The following ZNF749 variants were observed in gnomAD, a reference collection of about 807,000 sequenced individuals.
ZNF749 encodes zinc finger protein 749.
ZNF749 carries 8 observed loss-of-function variants against 7.3 expected under a neutral mutation model. The observed-to-expected ratio is 1.10, with a 90% confidence interval of 0.64 to 1.98. The LOEUF (loss-of-function observed/expected upper bound fraction) is 1.98, where lower values mean the gene tolerates loss of function less well. ZNF749 is among the 30% of genes most tolerant of loss of function. ZNF749 has a pLI of 0.00. For missense variants in ZNF749, 898 were observed against 932.4 expected (o/e 0.96, Z 0.48); for synonymous variants, 310 against 322.4 (o/e 0.96, Z 0.41).
rs746228215 is a variant in ZNF749, at chr19:57,444,050, C to T, written c.902C>T (p.Thr301Ile). 2 of 1,613,930 alleles carry T rather than the reference C, an allele frequency of 1.2e-6. No individual in the cohort carries two copies. Among genetic ancestry groups the T allele is most frequent in the African/African-American group, 1.3e-5 (1 of 75,022 alleles). ...AGTAGACCAACACCTTATGAATGCACCCAGTGTGGGAAGGCCTTTCTTACA... is the reference window on the plus strand; with the variant it reads ...AGTAGACCAACACCTTATGAATGCATCCAGTGTGGGAAGGCCTTTCTTACA... ...ILSRPTPYEC[T>I]QCGKAFLTQA... Residue 301 changes from threonine (T) to isoleucine (I), a missense_variant, in exon 3 of 3, where the codon ACC (threonine) becomes ATC (isoleucine). Physicochemically the swap from Thr to Ile is moderately conservative, Grantham distance 89. Transcript: ENST00000334181.
upstream of ZNF749, among the ~76,000 whole-genome samples, chr19:57,432,593 G>A (rs887021816): frequency 2.1e-4 from 31 of 144,868 alleles, no homozygotes; most frequent in African/African-American, 7.8e-4. Context: ...AAGGTGGGGG[G>A]GACTAAACAG....
chr19:57,435,306 T>C, upstream of ZNF749: 1 of 588,412 alleles, frequency 1.7e-6, no homozygotes, highest in South Asian at 2.0e-5. Context: ...ACTAATGAGG[T>C]CTCAATTGTG....
chr19:57,431,192 A>G (rs1426972223), upstream of ZNF749, among the ~76,000 whole-genome samples: 1 of 152,220 alleles, frequency 6.6e-6, no homozygotes, highest in Non-Finnish European at 1.5e-5. Context: ...TTTTACTGAA[A>G]CAATTTTTTA....
upstream of ZNF749, among the ~76,000 whole-genome samples, chr19:57,433,111 A>AGTGTGT (rs71186260): frequency 0.024 from 3,407 of 143,462 alleles, 58 homozygotes; most frequent in East Asian, 0.068. Flanking sequence ...AGTCTTGAGG[A>AGTGTGT]GTGTGTGTGT....
chr19:57,437,952 CAG>C, intron 1 of ZNF749: 1 of 395,858 alleles, frequency 2.5e-6, no homozygotes, highest in Non-Finnish European at 4.5e-6. Flanking sequence ...TCCAAAGACA[CAG>C]AGCTGCTAAG....
rs990714968 is a variant in ZNF749, at chr19:57,436,088, C to T, written c.15+495C>T. 1.8e-4 allele frequency among the ~76,000 whole-genome samples: 27 copies of T among 152,138 alleles called. No individual in the cohort carries two copies. Among genetic ancestry groups the T allele is most frequent in the African/African-American group, 5.8e-4 (24 of 41,420 alleles). On this transcript the variant is annotated intron_variant, in intron 1 of 2. Coordinates refer to ENST00000334181, the MANE Select transcript of ZNF749 (RefSeq NM_001023561.4). The surrounding 1 kb of genome is among the most constrained non-coding windows in gnomAD (Gnocchi z 4.0). ...TCTGGATGGATCTCAGAGATAGGGT[C>T]AACAGGATTTCCTGCTGCATCAAAC...
chr19:57,445,313 G>A lies in ZNF749; in HGVS notation c.2165G>A (p.Ser722Asn). Residue 722 changes from serine (S) to asparagine (N), a missense_variant, in exon 3 of 3, where the codon AGT (serine) becomes AAT (asparagine). Ser to Asn is a conservative substitution (Grantham distance 46). Coordinates refer to ENST00000334181, the MANE Select transcript of ZNF749 (RefSeq NM_001023561.4). ...CATCAGCAGTCTCACACTGGAGAAA[G>A]TCCTTTTAAGTTAAGGGAATGTGGG... is the stretch of plus-strand genomic sequence containing the variant. ...IIHQQSHTGE[S>N]PFKLRECGKD... 1.9e-6 allele frequency: 3 copies of A among 1,613,900 alleles called. No homozygotes were observed. The highest frequency in any genetic ancestry group is 1.3e-5 in the African/African-American group (1 of 75,032).
rs373117467 is a variant in ZNF749 at position 57,444,693 on chromosome 19, A to C, written c.1545A>C (p.Gln515His). 11 of 1,613,418 alleles carry C rather than the reference A, an allele frequency of 6.8e-6. No individual in the cohort carries two copies. The highest frequency in any genetic ancestry group is 9.3e-6 in the Non-Finnish European group (11 of 1,179,860). Residue 515 changes from glutamine to histidine, a missense_variant, in exon 3 of 3, where the codon CAA becomes CAC. Gln to His is a conservative substitution (Grantham distance 24). Transcript: ENST00000334181. ...GAGAACGGCCTTATGAATGCACTCA[A>C]TGTGCGAAGGCCTTTGTTAGAAAGT... is the stretch of plus-strand genomic sequence containing the variant. ...HTGERPYECT[Q>H]CAKAFVRKSH...
rs1224294806 is a variant in ZNF749 at position 57,436,427 on chromosome 19, G to A, written c.15+834G>A. On this transcript the variant is annotated intron_variant, in intron 1 of 2. Coordinates refer to ENST00000334181, the MANE Select transcript of ZNF749 (RefSeq NM_001023561.4). The surrounding 1 kb of genome is among the most constrained non-coding windows in gnomAD (Gnocchi z 4.0). ...CTGAGGTAGGGGAGGGCTCAGATTT[G>A]GAGGAAAGACCATGGTAGGGAGGGC... Among the ~76,000 whole-genome samples, 1 of 152,134 alleles carries A rather than the reference G, an allele frequency of 6.6e-6. No homozygotes were observed. The highest frequency in any genetic ancestry group is 1.9e-4 in the East Asian group (1 of 5,184).
chr19:57,435,395 C>A lies in ZNF749; in HGVS notation c.-184C>A. 1 of 854,424 alleles carries A rather than the reference C, an allele frequency of 1.2e-6. No homozygotes were observed. The highest frequency in any genetic ancestry group is 1.8e-6 in the Non-Finnish European group (1 of 544,530). 52.9% of individuals were successfully genotyped at this position (854,424 alleles called of 1,614,324 possible). On this transcript the variant is annotated 5_prime_UTR_variant, in exon 1 of 3. Transcript: ENST00000334181. ...GATCTGTTCACTGATTTAGAGGGTC[C>A]CAGAGCTCTGGGTCGGGACTGAGGT...
chr19:57,437,490 C>G (rs1221594244), intron 1 of ZNF749, among the ~76,000 whole-genome samples: 1 of 151,922 alleles, frequency 6.6e-6, no homozygotes, highest in Non-Finnish European at 1.5e-5. Context: ...CTTTGGGAAG[C>G]GAAGGTGGGC....
chr19:57,441,323 G>C (rs1461535484), intron 1 of ZNF749, among the ~76,000 whole-genome samples: 1 of 152,002 alleles, frequency 6.6e-6, no homozygotes, highest in Non-Finnish European at 1.5e-5. Context: ...GATGTGTGTG[G>C]GTACTGGGGA....
At position 57,445,192 on chromosome 19, in the gene ZNF749, ACATT is replaced by A; in HGVS notation, c.2049_2052del (p.Phe683LeufsTer43). ...TGGGAAGTTTCTTAGATACCGCTCT[ACATT>A]CATTAAACATCATAAAGTTTGCACT... On this transcript the variant is annotated frameshift_variant, in exon 3 of 3. Coordinates refer to ENST00000334181, the MANE Select transcript of ZNF749 (RefSeq NM_001023561.4). LOFTEE classifies it low-confidence loss of function (END_TRUNC). The A allele has an allele frequency of 1.9e-6, 3 of 1,614,170 alleles. No homozygotes were observed. The highest frequency in any genetic ancestry group is 2.5e-6 in the Non-Finnish European group (3 of 1,179,994).
chr19:57,432,279 TAA>T (rs376998074), upstream of ZNF749, among the ~76,000 whole-genome samples: 3 of 140,910 alleles, frequency 2.1e-5, no homozygotes, highest in African/African-American at 2.6e-5. Flanking sequence ...GGGAGCCAAT[TAA>T]AAAAAAAAAG....
In ZNF749 at chr19:57,435,621, C is replaced by T. The variant is rs1021870471; in HGVS notation, c.15+28C>T. On this transcript the variant is annotated intron_variant, in intron 1 of 2. Transcript: ENST00000334181. ...GCGTGCAGCGTCCCAGGCCGCCCCGCCCAACCCCTCCTCCCAGTGCTGAAG... is the reference window on the plus strand; with the variant it reads ...GCGTGCAGCGTCCCAGGCCGCCCCGTCCAACCCCTCCTCCCAGTGCTGAAG... The T allele has an allele frequency of 1.0e-5, 16 of 1,598,312 alleles. No homozygotes were observed. The African/African-American group carries it at 1.9e-4, about 19-fold the overall frequency.
chr19:57,446,895 T>C lies in ZNF749; in HGVS notation c.*1410T>C, dbSNP rs1331714760. On this transcript the variant is annotated 3_prime_UTR_variant, in exon 3 of 3. Coordinates refer to ENST00000334181, the MANE Select transcript of ZNF749 (RefSeq NM_001023561.4). ...AAGTTTCCAAAAGGTACTGTAAAAA[T>C]GTATGAAAAATGGTAAAAACTTTAT... Among the ~76,000 whole-genome samples the C allele has an allele frequency of 6.6e-6, 1 of 152,132 alleles. No homozygotes were observed. Among genetic ancestry groups the C allele is most frequent in the Non-Finnish European group, 1.5e-5 (1 of 68,026 alleles).
rs373436652 is a variant in ZNF749 at position 57,443,676 on chromosome 19, G to A, written c.528G>A (p.Gly176=). The change falls in exon 3 of 3, where the codon GGG becomes GGA. Residue 176 remains glycine (G), a synonymous_variant. Coordinates refer to ENST00000334181, the MANE Select transcript of ZNF749 (RefSeq NM_001023561.4). ...TCCAGCAACAGGTCTTAAACAGTGG[G>A]TGGAAGCTGTACAGGGATACCCAGG... is the stretch of plus-strand genomic sequence containing the variant. ...DLLQQQVLNS[G]WKLYRDTQDG... 87 of 1,614,034 alleles carry A rather than the reference G, an allele frequency of 5.4e-5. 1 individual carries two copies. Among genetic ancestry groups the A allele is most frequent in the Admixed American group, 1.5e-4 (9 of 60,004 alleles).
intron 1 of ZNF749, chr19:57,438,396 G>A: frequency 3.7e-6 from 1 of 270,936 alleles, no homozygotes. Context: ...AAGCTCAGGG[G>A]CTGCCTTTGC....
upstream of ZNF749, among the ~76,000 whole-genome samples, chr19:57,433,446 T>C (rs890922780): frequency 8.5e-5 from 13 of 152,310 alleles, no homozygotes; most frequent in African/African-American, 3.1e-4. Flanking sequence ...GTGTAGCCGT[T>C]GTCCATTTGT....
Sources: allele counts gnomAD v4.1 joint callset (sites outside exome capture counted in the v4.1 genomes callset), GRCh38; gene constraint gnomAD v4.1.1; non-coding constraint Gnocchi (gnomAD v3.1); transcripts MANE v1.5; gene names NCBI Gene and HGNC (gene_info 2026-07-23, HGNC 2026-07-21).